Variants in EGF observed in about 807,000 individuals in gnomAD.
EGF encodes the protein pro-epidermal growth factor.
Under a neutral mutation model 143.8 loss-of-function variants are expected in EGF, and 95 were observed. That is an observed-to-expected ratio of 0.66 (90% CI 0.56 to 0.78). EGF has a LOEUF of 0.78. Among genes scored for constraint, EGF ranks in the 30% least tolerant of loss-of-function variants. The pLI is 0.00. For missense variants in EGF, 1,320 were observed against 1,470.9 expected (o/e 0.90, Z 1.68); for synonymous variants, 510 against 510.5 (o/e 1.00, Z 0.01).
Position 109,963,029 on chromosome 4 carries a change from C to G in EGF, c.1313-144C>G. 7.4e-6 allele frequency: 7 copies of G among 944,786 alleles called. No individual in the cohort carries two copies. In the South Asian group the frequency reaches 8.7e-5, roughly 12 times the overall value. 58.5% of individuals were successfully genotyped at this position (944,786 alleles called of 1,614,324 possible). A position where few individuals can be genotyped will look rare whatever the true frequency, so the allele number is the denominator to read the frequency against. On this transcript the variant is annotated intron_variant, in intron 8 of 23. Transcript: ENST00000265171. ...TTGCAATGAGCCGAGAGTGCCATTGCACTCCAGCCTGGGTGAAAGAGTGAA... is the reference window on the plus strand; with the variant it reads ...TTGCAATGAGCCGAGAGTGCCATTGGACTCCAGCCTGGGTGAAAGAGTGAA...
rs1158298904 is a variant in EGF, at chr4:110,011,356, T to G, written c.3525T>G (p.Leu1175=). 8.1e-6 allele frequency: 13 copies of G among 1,614,014 alleles called. No individual in the cohort carries two copies. Among genetic ancestry groups the G allele is most frequent in the Non-Finnish European group, 1.1e-5 (13 of 1,180,014 alleles). The stretch of plus-strand genomic sequence containing the variant: ...TGCCCTCCTATGGGACACAGACCCT[T>G]GAAGGGGGTGTCGAGAAGCCCCATT... ...FHMPSYGTQT[L]EGGVEKPHSL... Residue 1175 remains leucine (L), a synonymous_variant, in exon 24 of 24, where the codon CTT becomes CTG. Coordinates refer to ENST00000265171, the MANE Select transcript of EGF (RefSeq NM_001963.6).
chr4:109,979,640 G>A (rs1018013758), intron 13 of EGF, among the ~76,000 whole-genome samples: 9 of 152,146 alleles, frequency 5.9e-5, no homozygotes, highest in African/African-American at 2.2e-4. Context: ...TATAAGTAGC[G>A]ACAGATGTAC....
rs573327372 is a variant in EGF at position 109,913,110 on chromosome 4, T to G, written c.-226T>G. The stretch of plus-strand genomic sequence containing the variant: ...TTACTGGCTTCCAAAGAAACATAGA[T>G]AAAGAAATCTTTCCTGTGGCTTCCC... On this transcript the variant is annotated 5_prime_UTR_variant, in exon 1 of 24. Coordinates refer to ENST00000265171, the MANE Select transcript of EGF (RefSeq NM_001963.6). 2.0e-6 allele frequency: 1 copy of G among 501,426 alleles called. No individual in the cohort carries two copies. Among genetic ancestry groups the G allele is most frequent in the Non-Finnish European group, 3.6e-6 (1 of 277,964 alleles). 31.1% of individuals were successfully genotyped at this position (501,426 alleles called of 1,614,324 possible).
chr4:110,005,341 CAATTTTCTT>C lies in EGF; in HGVS notation c.3291+732_3291+740del, dbSNP rs1282757779. ...AATTGCAGGCATGAGCCACTGCACT[CAATTTTCTT>C]AATTTTCTTAATATTTCTTAATATT... On this transcript the variant is annotated intron_variant, in intron 22 of 23. Transcript: ENST00000265171. 3.9e-5 allele frequency among the ~76,000 whole-genome samples: 6 copies of C among 152,052 alleles called. 1 individual carries two copies. Among genetic ancestry groups the C allele is most frequent in the Admixed American group, 6.5e-5 (1 of 15,268 alleles).
intron 1 of EGF, among the ~76,000 whole-genome samples, chr4:109,933,613 T>TTCCATGTG (rs1740213366): frequency 6.6e-6 from 1 of 151,686 alleles, no homozygotes; most frequent in African/African-American, 2.4e-5. Context: ...TGATGTTCCC[T>TTCCATGTG]TCCATGTGTC....
intron 2 of EGF, 87 bp downstream of exon 2, chr4:109,941,232 G>A: frequency 8.0e-7 from 1 of 1,244,370 alleles, no homozygotes; most frequent in Non-Finnish European, 1.2e-6. Flanking sequence ...ATAGATAAAT[G>A]AAAATTATAT....
chr4:109,978,956 A>G (rs1748912558), intron 13 of EGF, among the ~76,000 whole-genome samples: 1 of 152,222 alleles, frequency 6.6e-6, no homozygotes, highest in Non-Finnish European at 1.5e-5. Context: ...GTTTACAAAA[A>G]GAGTGGTCTG....
At chr4:109,951,639 C>T (rs1490880374) in intron 5 of EGF, among the ~76,000 whole-genome samples, 2 of 152,076 alleles carry the variant, frequency 1.3e-5, no homozygotes, top group African/African-American at 4.8e-5. Context: ...ATCTTTACAA[C>T]AGCTCTATTA....
intron 19 of EGF, 95 bp downstream of exon 19, chr4:109,993,464 A>T: frequency 3.8e-6 from 6 of 1,561,412 alleles, no homozygotes; most frequent in Non-Finnish European, 5.2e-6. Context: ...TCTAAAAATC[A>T]TTCAGTTCAG....
At position 110,012,268 on chromosome 4, in the gene EGF, A is replaced by G. The variant is rs936652064; in HGVS notation, c.*813A>G. On this transcript the variant is annotated 3_prime_UTR_variant, in exon 24 of 24. Transcript: ENST00000265171. ...AAATAAAATCACCAAAAACATAAAC[A>G]TTTTATTGTATGCCTGATTAAGTAG... is the stretch of plus-strand genomic sequence containing the variant. 6.6e-6 allele frequency: 1 copy of G among 152,152 alleles called. No homozygotes were observed. The highest frequency in any genetic ancestry group is 2.4e-5 in the African/African-American group (1 of 41,446). The allele number at this position is 152,152 out of a possible 1,614,324, so 9.4% of individuals were successfully genotyped here.
At chr4:109,953,151 G>A (rs953726166) in intron 5 of EGF, among the ~76,000 whole-genome samples, 8 of 152,294 alleles carry the variant, frequency 5.3e-5, no homozygotes, top group African/African-American at 1.9e-4. Context: ...GGCACTGCAG[G>A]TGGTTCTGTA....
chr4:109,990,903 T>G (rs1274970405), intron 18 of EGF, among the ~76,000 whole-genome samples: 1 of 152,328 alleles, frequency 6.6e-6, no homozygotes, highest in South Asian at 2.1e-4. Context: ...TGACCCCATG[T>G]AACCTTACTT....
chr4:109,936,577 T>C (rs1344327894), intron 1 of EGF, among the ~76,000 whole-genome samples: 2 of 152,230 alleles, frequency 1.3e-5, no homozygotes, highest in African/African-American at 4.8e-5. Context: ...ATTTCTTGTC[T>C]TCTAACTTTT....
chr4:109,939,369 G>C (rs114551934), intron 1 of EGF, among the ~76,000 whole-genome samples: 3 of 152,246 alleles, frequency 2.0e-5, no homozygotes, highest in Admixed American at 2.0e-4. Flanking sequence ...GAACATCCGG[G>C]CCTGCTGGTT....
chr4:109,968,673 CATCTATCTATCT>C lies in EGF; in HGVS notation c.1576-272_1576-261del, dbSNP rs10530188. On this transcript the variant is annotated intron_variant, in intron 10 of 23. Coordinates refer to ENST00000265171, the MANE Select transcript of EGF (RefSeq NM_001963.6). Reference sequence around the variant, plus strand: ...ATATATGTATATTTATATCTATATACATCTATCTATCTATCTATCTATCTATCTATCTATCTA... The same window carrying C: ...ATATATGTATATTTATATCTATATACATCTATCTATCTATCTATCTATCTA... The C allele has an allele frequency of 4.9e-4, 173 of 351,248 alleles. 5 individuals are homozygous for C. Among genetic ancestry groups the C allele is most frequent in the South Asian group, 3.3e-3 (130 of 39,200 alleles). 21.8% of individuals were successfully genotyped at this position (351,248 alleles called of 1,614,324 possible).
At chr4:109,997,820 A>G (rs148269043) in intron 20 of EGF, among the ~76,000 whole-genome samples, 4,983 of 152,132 alleles carry the variant, frequency 0.033, 255 homozygotes, top group East Asian at 0.17. Context: ...TTGTGATGGC[A>G]CCACTGCACT....
At chr4:109,931,767 C>T (rs546540613) in intron 1 of EGF, among the ~76,000 whole-genome samples, 5 of 152,212 alleles carry the variant, frequency 3.3e-5, no homozygotes, top group Admixed American at 6.5e-5. Flanking sequence ...CACAGAGAGG[C>T]ACCCTGGGTG....
intron 1 of EGF, among the ~76,000 whole-genome samples, chr4:109,928,784 T>G (rs1254871393): frequency 1.3e-5 from 2 of 152,174 alleles, no homozygotes; most frequent in East Asian, 1.9e-4. Context: ...AATCTTAAGA[T>G]CTTTCTTTTA....
intron 15 of EGF, 148 bp from the exon 16 acceptor site, chr4:109,983,274 C>A: frequency 1.1e-6 from 1 of 894,524 alleles, no homozygotes. Context: ...TACTAAGTTA[C>A]CAAGACCCTG....
Sources: allele counts gnomAD v4.1 joint callset (sites outside exome capture counted in the v4.1 genomes callset), GRCh38; gene constraint gnomAD v4.1.1; transcripts MANE v1.5; gene names NCBI Gene and HGNC (gene_info 2026-07-23, HGNC 2026-07-21).